ADGRL3: variants seen among roughly 807,000 people sequenced by gnomAD.
ADGRL3 encodes the protein adhesion G protein-coupled receptor L3.
Under a neutral mutation model 153.5 loss-of-function variants are expected in ADGRL3, and 62 were observed. The ratio of observed to expected loss-of-function variants is 0.40; its 90% CI spans 0.33 to 0.50. ADGRL3 has a LOEUF of 0.50. Ranked by LOEUF, ADGRL3 falls within the 20% of genes least tolerant of loss-of-function variation. ADGRL3 has a pLI of 0.47. For missense variants in ADGRL3, 1,641 were observed against 1,859.4 expected, an observed-to-expected ratio of 0.88 and a Z score of 2.16; for synonymous variants, 710 against 672.5, an observed-to-expected ratio of 1.06 and a Z score of -0.86.
chr4:61,678,662 C>A (rs1580237961), intron 6 of ADGRL3, among the ~76,000 whole-genome samples: 1 of 151,850 alleles, frequency 6.6e-6, no homozygotes, highest in South Asian at 2.1e-4. Flanking sequence ...TTCTGATAAT[C>A]CTGAAAGTTT....
chr4:61,356,142 C>CT, intron 1 of ADGRL3, among the ~76,000 whole-genome samples: 1 of 151,934 alleles, frequency 6.6e-6, no homozygotes, highest in Non-Finnish European at 1.5e-5. Flanking sequence ...TGACTCTTTT[C>CT]TTTCTTCCTA....
In ADGRL3 at chr4:61,813,790, A is replaced by G. The variant is rs1277585328; in HGVS notation, c.1400-19A>G. 1 of 1,606,584 alleles carries G rather than the reference A, an allele frequency of 6.2e-7. No individual in the cohort carries two copies. The highest frequency in any genetic ancestry group is 2.2e-5 in the East Asian group (1 of 44,786). ...ACATACGTATGATGTCTTCTTAACA[A>G]TTTGTTTTGGGTCCACAGGGCAGGC... On this transcript the variant is annotated intron_variant, in intron 8 of 26. Transcript: ENST00000683033.
chr4:61,385,925 ATCTC>A (rs1419379433), intron 2 of ADGRL3, among the ~76,000 whole-genome samples: 2 of 152,190 alleles, frequency 1.3e-5, no homozygotes, highest in East Asian at 1.9e-4. Flanking sequence ...GTATGTATCT[ATCTC>A]TTTCTTTCAC....
At chr4:61,480,903 A>T (rs532445884) in intron 2 of ADGRL3, among the ~76,000 whole-genome samples, 1 of 152,330 alleles carries the variant, frequency 6.6e-6, no homozygotes, top group East Asian at 1.9e-4. Flanking sequence ...GGTGCTCAAC[A>T]TCAGGGAAAT....
At chr4:61,848,502 G>C (rs1471278812) in intron 9 of ADGRL3, among the ~76,000 whole-genome samples, 1 of 151,812 alleles carries the variant, frequency 6.6e-6, no homozygotes, top group Non-Finnish European at 1.5e-5. Flanking sequence ...AATAGATTAA[G>C]GGCCCACCCC....
At chr4:61,889,959 C>G (rs1441880711) in intron 9 of ADGRL3, among the ~76,000 whole-genome samples, 2 of 152,126 alleles carry the variant, frequency 1.3e-5, no homozygotes, top group African/African-American at 4.8e-5. Context: ...AAGTATTCAT[C>G]AGTACCTACA....
intron 5 of ADGRL3, among the ~76,000 whole-genome samples, chr4:61,665,514 G>A (rs542686014): frequency 1.0e-3 from 152 of 152,114 alleles, no homozygotes; most frequent in African/African-American, 3.5e-3. Flanking sequence ...TTCAGTAACC[G>A]TCTTAACCAT....
chr4:61,426,298 C>T (rs2097279799), intron 2 of ADGRL3, among the ~76,000 whole-genome samples: 1 of 152,176 alleles, frequency 6.6e-6, no homozygotes, highest in South Asian at 2.1e-4. Context: ...GATCACCATC[C>T]ACACTGCTCT....
intron 6 of ADGRL3, among the ~76,000 whole-genome samples, chr4:61,726,899 G>A (rs780598458): frequency 6.0e-4 from 91 of 152,090 alleles, no homozygotes; most frequent in Non-Finnish European, 1.2e-3. Flanking sequence ...GATTTTTATA[G>A]TTTAAAAGAA....
At chr4:61,291,214 A>ACGCG (rs1173716737) in intron 1 of ADGRL3, among the ~76,000 whole-genome samples, 7 of 133,020 alleles carry the variant, frequency 5.3e-5, no homozygotes, top group African/African-American at 2.0e-4. Flanking sequence ...ACACACACAC[A>ACGCG]CACGCACACA....
At chr4:62,058,523 C>T (rs1251671780) in intron 25 of ADGRL3, among the ~76,000 whole-genome samples, 1 of 152,086 alleles carries the variant, frequency 6.6e-6, no homozygotes, top group East Asian at 1.9e-4. Context: ...TGGTGTAGAG[C>T]AGTGAAAACC....
intron 8 of ADGRL3, among the ~76,000 whole-genome samples, chr4:61,769,225 G>C (rs557611461): frequency 1.3e-5 from 2 of 152,010 alleles, no homozygotes; most frequent in Non-Finnish European, 2.9e-5. Flanking sequence ...GACTGGCGCC[G>C]GAGTTTTGGG....
At chr4:61,870,561 G>C (rs1055345023) in intron 9 of ADGRL3, among the ~76,000 whole-genome samples, 3 of 152,020 alleles carry the variant, frequency 2.0e-5, no homozygotes, top group African/African-American at 7.3e-5. Context: ...TATCTGATAA[G>C]GGGCTTATAT....
chr4:61,674,316 T>G (rs970677230), intron 5 of ADGRL3, among the ~76,000 whole-genome samples: 1 of 151,724 alleles, frequency 6.6e-6, no homozygotes, highest in African/African-American at 2.4e-5. Flanking sequence ...AAATTTTAAC[T>G]ATTATGCTCT....
At chr4:61,620,545 C>T (rs945959600) in intron 5 of ADGRL3, among the ~76,000 whole-genome samples, 5 of 151,542 alleles carry the variant, frequency 3.3e-5, no homozygotes, top group African/African-American at 1.2e-4. Flanking sequence ...ATGCTTGGCA[C>T]TCTCTTTCCT....
chr4:61,738,734 A>G (rs1312284786), intron 8 of ADGRL3, among the ~76,000 whole-genome samples: 1 of 152,176 alleles, frequency 6.6e-6, no homozygotes, highest in Non-Finnish European at 1.5e-5. Context: ...ATTGTATGAC[A>G]TGTATGTTTG....
At chr4:62,067,747 T>A (rs999185507) in intron 25 of ADGRL3, among the ~76,000 whole-genome samples, 5 of 152,068 alleles carry the variant, frequency 3.3e-5, no homozygotes, top group African/African-American at 4.8e-5. Context: ...ACTGAAAAAA[T>A]TTAAAATTAA....
chr4:61,247,750 A>G (rs1757650512), intron 1 of ADGRL3, among the ~76,000 whole-genome samples: 1 of 152,046 alleles, frequency 6.6e-6, no homozygotes, highest in South Asian at 2.1e-4. Context: ...TAGGTTTATG[A>G]GAAATTGTTA....
At position 61,566,391 on chromosome 4, in the gene ADGRL3, G is replaced by A. The variant is rs187997989; in HGVS notation, c.260-20836G>A. ...TGTAAAGACCCTGTCTTCCAATAAG[G>A]TCTTGTTCTTAAGTACTGGGGGTTG... On this transcript the variant is annotated intron_variant, in intron 4 of 26. Transcript: ENST00000683033. Among the ~76,000 whole-genome samples, 25 of 152,204 alleles carry A rather than the reference G, an allele frequency of 1.6e-4. No homozygotes were observed. In the East Asian group the frequency reaches 4.6e-3, roughly 28 times the overall value.
Sources: gnomAD v4.1 joint callset for allele counts (sites outside exome capture counted in the v4.1 genomes callset) on GRCh38, gnomAD v4.1.1 for gene constraint, MANE v1.5 for transcripts, NCBI Gene and HGNC (gene_info 2026-07-23, HGNC 2026-07-21) for gene names.